PABPN1: variants seen among roughly 807,000 people sequenced by gnomAD.
PABPN1 encodes the protein polyadenylate-binding protein 2.
PABPN1 carries 5 observed loss-of-function variants against 33.4 expected under a neutral mutation model. That is an observed-to-expected ratio of 0.15 (90% CI 0.08 to 0.32). The LOEUF (loss-of-function observed/expected upper bound fraction) is 0.32. PABPN1 is among the 10% of genes least tolerant of loss of function. The pLI, the probability that PABPN1 is intolerant of heterozygous loss-of-function variation, is 1.00. For missense variants in PABPN1, 312 were observed against 425.8 expected, an observed-to-expected ratio of 0.73 and a Z score of 2.35; for synonymous variants, 176 against 170.6, an observed-to-expected ratio of 1.03 and a Z score of -0.25.
intron 6 of PABPN1, chr14:23,324,973 A>G (rs1888624931): frequency 6.9e-6 from 3 of 436,250 alleles, no homozygotes; most frequent in South Asian, 7.9e-5. Context: ...TGAAAACTGG[A>G]TAAAAAGGGG....
chr14:23,324,405 T>C, intron 6 of PABPN1, 116 bp downstream of exon 6: 1 of 1,222,352 alleles, frequency 8.2e-7, no homozygotes, highest in Non-Finnish European at 1.1e-6. Context: ...CTTCAGGAAC[T>C]TTGTCTCCTG....
rs528918337 is a variant in PABPN1, at chr14:23,322,085, G to C, written c.352-96G>C. The C allele has an allele frequency of 3.1e-6, 4 of 1,307,610 alleles. No individual in the cohort carries two copies. In the South Asian group the frequency reaches 5.1e-5, roughly 17 times the overall value. 81.0% of individuals were successfully genotyped at this position (1,307,610 alleles called of 1,614,324 possible). ...CTCGCATGGGGCGAGGGAAATGGCCGAGCATGGCTGAGGCCGCGCTCTGGC... is the reference window on the plus strand; with the variant it reads ...CTCGCATGGGGCGAGGGAAATGGCCCAGCATGGCTGAGGCCGCGCTCTGGC... On this transcript the variant is annotated intron_variant, in intron 1 of 6. Transcript: ENST00000216727.
At chr14:23,324,102 G>C in intron 5 of PABPN1, 36 bp from the exon 6 acceptor site, 1 of 1,614,170 alleles carries the variant, frequency 6.2e-7, no homozygotes, top group East Asian at 2.2e-5. Context: ...TCTCCAGGTT[G>C]CCTTTAAGGC....
At position 23,324,248 on chromosome 14, in the gene PABPN1, C is replaced by G; in HGVS notation, c.840C>G (p.Phe280Leu). ...TTNYNSSRSR[F>L]YSGFNSRPRG... is the part of the protein sequence containing the mutation. ...ACTACAACAGCTCCCGCTCTCGATT[C>G]TACAGTGGTTTTAACAGCAGGCCCC... Residue 280 changes from phenylalanine (F) to leucine (L), a missense_variant, in exon 6 of 7, where the codon TTC becomes TTG. This residue lies in a region of PABPN1 where 68 missense variants were observed against 71.1 expected (regional missense o/e 0.96). Transcript: ENST00000216727. The G allele has an allele frequency of 1.2e-6, 2 of 1,614,094 alleles. No homozygotes were observed. Among genetic ancestry groups the G allele is most frequent in the Non-Finnish European group, 1.7e-6 (2 of 1,180,030 alleles).
intron 6 of PABPN1, chr14:23,324,902 A>G (rs532483769): frequency 3.4e-5 from 10 of 292,022 alleles, no homozygotes; most frequent in African/African-American, 1.5e-4. Flanking sequence ...CTACCTGCCT[A>G]TCCCCAGGAG....
At chr14:23,322,835 G>A (rs757174440) in intron 2 of PABPN1, 164 bp from the exon 3 acceptor site, 5 of 777,222 alleles carry the variant, frequency 6.4e-6, no homozygotes, top group Non-Finnish European at 1.1e-5. Flanking sequence ...TACCTGCTAT[G>A]CACTAGGCAC....
intron 2 of PABPN1, 185 bp downstream of exon 2, chr14:23,322,480 G>A: frequency 1.5e-6 from 1 of 648,340 alleles, no homozygotes; most frequent in South Asian, 1.7e-5. Context: ...GTATATTTTG[G>A]TGGTGGTAGC....
At chr14:23,321,997 G>T (rs1183700330) in intron 1 of PABPN1, 177 bp downstream of exon 1, 1 of 792,036 alleles carries the variant, frequency 1.3e-6, no homozygotes, top group African/African-American at 1.7e-5. Flanking sequence ...CGACTGGCTT[G>T]ATTCGGGCGT....
Position 23,324,001 on chromosome 14 carries a change from G to A in PABPN1, c.678G>A (p.Val226=), listed in dbSNP as rs1416733259. The A allele has an allele frequency of 6.2e-7, 1 of 1,614,044 alleles. No homozygotes were observed. Among genetic ancestry groups the A allele is most frequent in the East Asian group, 2.2e-5 (1 of 44,902 alleles). ...TAGAGTTCTCAGACAAAGAGTCAGT[G>A]AGGACTTCCTTGGCCTTAGATGAGT... is the stretch of plus-strand genomic sequence containing the variant. ...AYIEFSDKES[V]RTSLALDESL... The change falls in exon 5 of 7, where the codon GTG becomes GTA. Residue 226 remains valine, a synonymous_variant. Transcript: ENST00000216727.
At position 23,321,800 on chromosome 14, in the gene PABPN1, G is replaced by C; in HGVS notation, c.331G>C (p.Asp111His). The change falls in exon 1 of 7, where the codon GAC (aspartate) becomes CAC (histidine). Residue 111 changes from aspartate (D) to histidine (H), a missense_variant. Asp to His is a moderately conservative substitution (Grantham distance 81). Around this residue, in one of 3 missense-constraint regions of PABPN1, gnomAD observed 167 missense variants for 168.9 expected, o/e 0.99. Coordinates refer to ENST00000216727, the MANE Select transcript of PABPN1 (RefSeq NM_004643.4). The part of the protein sequence containing the change: ...EPGLVEGDPG[D>H]GAIEDPELEA... Reference sequence around the variant, plus strand: ...GGGACTGGTCGAGGGTGACCCGGGGGACGGCGCCATTGAGGACCCGGTGAG... The same window carrying C: ...GGGACTGGTCGAGGGTGACCCGGGGCACGGCGCCATTGAGGACCCGGTGAG... 2 of 1,499,340 alleles carry C rather than the reference G, an allele frequency of 1.3e-6. No individual in the cohort carries two copies. Among genetic ancestry groups the C allele is most frequent in the Non-Finnish European group, 1.8e-6 (2 of 1,125,168 alleles). The allele number at this position is 1,499,340 out of a possible 1,614,324, so 92.9% of individuals were successfully genotyped here. A position where few individuals can be genotyped will look rare whatever the true frequency, so the allele number is the denominator to read the frequency against.
At chr14:23,321,869 C>A in intron 1 of PABPN1, 49 bp downstream of exon 1, 2 of 1,326,480 alleles carry the variant, frequency 1.5e-6, no homozygotes, top group South Asian at 1.5e-5. Flanking sequence ...CCGGCCGGGT[C>A]ACTGGAGGCC....
Position 23,324,208 on chromosome 14 carries a change from G to A in PABPN1, c.800G>A (p.Arg267His), listed in dbSNP as rs761771221. The A allele has an allele frequency of 1.7e-5, 28 of 1,614,140 alleles. No homozygotes were observed. Among genetic ancestry groups the A allele is most frequent in the Non-Finnish European group, 2.4e-5 (28 of 1,180,030 alleles). Reference protein sequence around the residue: ...TDRGFPRARYRARTTNYNSSR... With the variant: ...TDRGFPRARYHARTTNYNSSR... ...CGGGGTTTTCCACGAGCCCGCTACC[G>A]CGCCCGGACCACCAACTACAACAGC... The change falls in exon 6 of 7, where the codon CGC becomes CAC. Residue 267 changes from arginine (R) to histidine (H), a missense_variant. By Grantham distance (29) the Arg-to-His change is conservative. This residue lies in a region of PABPN1 where 68 missense variants were observed against 71.1 expected (regional missense o/e 0.96). Transcript: ENST00000216727.
At chr14:23,325,054 A>T in intron 6 of PABPN1, 193 bp from the exon 7 acceptor site, 3 of 651,230 alleles carry the variant, frequency 4.6e-6, no homozygotes, top group Non-Finnish European at 4.9e-6. Context: ...GTTTTCTGTT[A>T]AGCCCCCCTC....
intron 2 of PABPN1, chr14:23,322,510 C>A: frequency 1.7e-6 from 1 of 592,586 alleles, no homozygotes; most frequent in Non-Finnish European, 3.1e-6. Flanking sequence ...CCCTTTGTGC[C>A]TGTTATAATT....
chr14:23,324,332 A>T, intron 6 of PABPN1, 43 bp downstream of exon 6: 2 of 1,604,262 alleles, frequency 1.2e-6, no homozygotes, highest in Non-Finnish European at 1.7e-6. Context: ...GCCTCCCGTG[A>T]GCCCCGTATG....
intron 3 of PABPN1, 130 bp from the exon 4 acceptor site, chr14:23,323,247 A>T: frequency 7.7e-7 from 1 of 1,294,104 alleles, no homozygotes; most frequent in Non-Finnish European, 1.1e-6. Context: ...TGGAAGGAAA[A>T]GAGATTAATT....
chr14:23,322,742 G>A (rs1053765906), intron 2 of PABPN1: 19 of 535,970 alleles, frequency 3.5e-5, no homozygotes, highest in Non-Finnish European at 6.0e-5. Flanking sequence ...CCATTCATTA[G>A]GGATTTGATT....
intron 2 of PABPN1, 24 bp downstream of exon 2, chr14:23,322,319 G>C (rs1031176490): frequency 2.5e-6 from 4 of 1,574,250 alleles, no homozygotes; most frequent in Non-Finnish European, 3.5e-6. Flanking sequence ...GGTTGCACGC[G>C]GAGCCCGGGT....
In PABPN1 at chr14:23,321,489, C is replaced by CGGCAGCAGCAGCGGG. The variant is rs1888255223; in HGVS notation, c.24_38dup (p.Ala10_Ala14dup). The CGGCAGCAGCAGCGGG allele has an allele frequency of 4.2e-6, 5 of 1,197,428 alleles. No individual in the cohort carries two copies. Among genetic ancestry groups the CGGCAGCAGCAGCGGG allele is most frequent in the Non-Finnish European group, 5.2e-6 (5 of 965,956 alleles). 74.2% of individuals were successfully genotyped at this position (1,197,428 alleles called of 1,614,324 possible). On this transcript the variant is annotated inframe_insertion, in exon 1 of 7. Transcript: ENST00000216727. ...GCGGCGATGGCGGCGGCGGCGGCGG[C>CGGCAGCAGCAGCGGG]GGCAGCAGCAGCGGGGGCTGCGGGC...
Sources: allele counts gnomAD v4.1 joint callset, GRCh38; gene constraint gnomAD v4.1.1; regional missense constraint gnomAD v4.1.1; transcripts MANE v1.5; gene names NCBI Gene and HGNC (gene_info 2026-07-23, HGNC 2026-07-21).